RASGRF2: variants seen among roughly 807,000 people sequenced by gnomAD.
RASGRF2 encodes ras-specific guanine nucleotide-releasing factor 2.
Under a neutral mutation model 151.0 loss-of-function variants are expected in RASGRF2, and 76 were observed. The ratio of observed to expected loss-of-function variants is 0.50; its 90% CI spans 0.42 to 0.61. RASGRF2 has a LOEUF of 0.61. Among genes scored for constraint, RASGRF2 ranks in the 20% least tolerant of loss-of-function variants. RASGRF2 has a pLI of 0.00. For missense variants in RASGRF2, 1,148 were observed against 1,564.6 expected (o/e 0.73, Z 4.49); for synonymous variants, 504 against 566.5 (o/e 0.89, Z 1.57).
chr5:81,167,731 C>T (rs1024502303), intron 17 of RASGRF2, among the ~76,000 whole-genome samples: 6 of 152,180 alleles, frequency 3.9e-5, no homozygotes, highest in Admixed American at 3.9e-4. Flanking sequence ...GATGCCTCCC[C>T]TGGCAAGTTC....
chr5:81,155,837 A>G (rs1168265885), intron 17 of RASGRF2, among the ~76,000 whole-genome samples: 2 of 152,134 alleles, frequency 1.3e-5, no homozygotes, highest in Non-Finnish European at 2.9e-5. Flanking sequence ...GGTTATGGAA[A>G]TTATATGGGG....
intron 5 of RASGRF2, among the ~76,000 whole-genome samples, chr5:81,079,283 A>G (rs1410987275): frequency 2.0e-5 from 3 of 152,234 alleles, no homozygotes; most frequent in Admixed American, 6.5e-5. Flanking sequence ...TACTTAGTTA[A>G]ATTGTTATAA....
chr5:81,171,612 T>C (rs953477695), intron 17 of RASGRF2, among the ~76,000 whole-genome samples: 1 of 152,172 alleles, frequency 6.6e-6, no homozygotes, highest in Non-Finnish European at 1.5e-5. Context: ...GCATTTGCTG[T>C]ATTTTCAAAG....
intron 17 of RASGRF2, among the ~76,000 whole-genome samples, chr5:81,161,383 G>T (rs1754380200): frequency 6.6e-6 from 1 of 152,200 alleles, no homozygotes; most frequent in African/African-American, 2.4e-5. Context: ...GCCTCCTGAC[G>T]GCTGGTGCAA....
At chr5:80,967,741 T>G (rs1461996868) in intron 1 of RASGRF2, among the ~76,000 whole-genome samples, 3 of 152,138 alleles carry the variant, frequency 2.0e-5, no homozygotes, top group Non-Finnish European at 4.4e-5. Context: ...TTTCCTGCAT[T>G]TAGCAATGTG....
At chr5:81,126,186 T>G (rs1753448351) in intron 16 of RASGRF2, among the ~76,000 whole-genome samples, 1 of 152,228 alleles carries the variant, frequency 6.6e-6, no homozygotes, top group Non-Finnish European at 1.5e-5. Flanking sequence ...GCACCAGCAC[T>G]GCCAAACGCT....
intron 12 of RASGRF2, among the ~76,000 whole-genome samples, chr5:81,100,968 A>T (rs1269027654): frequency 6.6e-6 from 1 of 151,648 alleles, no homozygotes; most frequent in Non-Finnish European, 1.5e-5. Context: ...ACCCTGAAAA[A>T]CTCTTGGTGG....
chr5:81,081,002 T>G (rs1752070587), intron 7 of RASGRF2, among the ~76,000 whole-genome samples: 1 of 152,198 alleles, frequency 6.6e-6, no homozygotes, highest in Non-Finnish European at 1.5e-5. Context: ...CAGGCATTTT[T>G]GAAGCAAAGA....
intron 9 of RASGRF2, among the ~76,000 whole-genome samples, chr5:81,091,854 A>G (rs1752398360): frequency 6.6e-6 from 1 of 152,176 alleles, no homozygotes; most frequent in African/African-American, 2.4e-5. Flanking sequence ...TATGCACTTA[A>G]TGATTCTTCT....
intron 1 of RASGRF2, among the ~76,000 whole-genome samples, chr5:81,016,908 T>G (rs1749654400): frequency 6.6e-6 from 1 of 152,184 alleles, no homozygotes; most frequent in Non-Finnish European, 1.5e-5. Context: ...TCAGAACTGT[T>G]TTCAATATGA....
chr5:81,121,005 G>GT (rs1753292620), intron 15 of RASGRF2, among the ~76,000 whole-genome samples: 1 of 151,934 alleles, frequency 6.6e-6, no homozygotes, highest in African/African-American at 2.4e-5. Context: ...TTTTGTTTTT[G>GT]TTTTTTTGTA....
At chr5:80,997,327 C>T (rs912532247) in intron 1 of RASGRF2, 1 of 152,132 alleles carries the variant, frequency 6.6e-6, no homozygotes, top group Admixed American at 6.5e-5. Flanking sequence ...CTTTGGTGCT[C>T]AAAGATACTA....
intron 15 of RASGRF2, among the ~76,000 whole-genome samples, chr5:81,115,619 T>G (rs1753130280): frequency 6.6e-6 from 1 of 152,216 alleles, no homozygotes; most frequent in African/African-American, 2.4e-5. Flanking sequence ...TATTTTGTTT[T>G]ATTTTGTTTT....
chr5:81,017,772 C>G (rs1749685474), intron 1 of RASGRF2, among the ~76,000 whole-genome samples: 1 of 152,096 alleles, frequency 6.6e-6, no homozygotes, highest in Non-Finnish European at 1.5e-5. Flanking sequence ...TATTTCTGCT[C>G]CTAGAGACAA....
intron 17 of RASGRF2, among the ~76,000 whole-genome samples, chr5:81,134,460 A>C (rs573298784): frequency 7.9e-5 from 12 of 152,224 alleles, no homozygotes; most frequent in African/African-American, 2.9e-4. Context: ...CAGCTGGTGC[A>C]CTGGCTCTCC....
At position 81,123,819 on chromosome 5, in the gene RASGRF2, C is replaced by T. The variant is rs1275730748; in HGVS notation, c.2596+52C>T. 3 of 1,541,976 alleles carry T rather than the reference C, an allele frequency of 1.9e-6. 1 individual carries two copies. The Admixed American group carries it at 5.8e-5, about 30-fold the overall frequency. ...TAGAAACGTGAAAAATGATTTCTAG[C>T]TTCTGAACCTTTCCTTTGCCTAATT... On this transcript the variant is annotated intron_variant, in intron 16 of 26. Transcript: ENST00000265080.
chr5:81,088,555 A>G, intron 9 of RASGRF2: 1 of 152,134 alleles, frequency 6.6e-6, no homozygotes, highest in African/African-American at 2.4e-5. Context: ...TAAATTATTT[A>G]CTGAATTGCA....
rs115044346 is a variant in RASGRF2 at position 81,075,558 on chromosome 5, T to C, written c.887+2106T>C. Among the ~76,000 whole-genome samples the C allele has an allele frequency of 5.4e-3, 820 of 152,332 alleles. 8 individuals are homozygous for C. The highest frequency in any genetic ancestry group is 0.019 in the African/African-American group (779 of 41,562). ...CCATCAGGACTCAACAGTTGGGATT[T>C]GTTGATGGGTTTGATGTGGGTTTTA... is the stretch of plus-strand genomic sequence containing the variant. On this transcript the variant is annotated intron_variant, in intron 5 of 26. Coordinates refer to ENST00000265080, the MANE Select transcript of RASGRF2 (RefSeq NM_006909.3).
intron 24 of RASGRF2, among the ~76,000 whole-genome samples, chr5:81,216,724 T>C (rs1215523937): frequency 1.3e-5 from 2 of 152,228 alleles, no homozygotes; most frequent in East Asian, 3.8e-4. Flanking sequence ...CACTTAGTAA[T>C]TGGTCAAGCT....
Sources: gnomAD v4.1 joint callset for allele counts (sites outside exome capture counted in the v4.1 genomes callset) on GRCh38, gnomAD v4.1.1 for gene constraint, MANE v1.5 for transcripts, NCBI Gene and HGNC (gene_info 2026-07-23, HGNC 2026-07-21) for gene names.